The following HIVEP2 variants were observed in gnomAD, a reference collection of about 807,000 sequenced individuals.
HIVEP2 encodes transcription factor HIVEP2.
A neutral mutation model predicts 180.7 loss-of-function variants in HIVEP2; 14 were observed. That is an observed-to-expected ratio of 0.08 (90% CI 0.05 to 0.12). HIVEP2 has a LOEUF of 0.12. Ranked by LOEUF, HIVEP2 falls within the 10% of genes least tolerant of loss-of-function variation. The probability of loss-of-function intolerance (pLI) is 1.00; values close to 1 mark genes in which losing one functional copy is unlikely to be tolerated. For synonymous variants in HIVEP2, 1,184 were observed against 1,136.4 expected, an observed-to-expected ratio of 1.04 and a Z score of -0.84; for missense variants, 2,579 against 3,008.5, an observed-to-expected ratio of 0.86 and a Z score of 3.34.
chr6:142,800,874 T>C (rs1776387606), intron 2 of HIVEP2, among the ~76,000 whole-genome samples: 2 of 152,138 alleles, frequency 1.3e-5, no homozygotes, highest in African/African-American at 4.8e-5. Context: ...GACAATAGCT[T>C]TAGAAGATCA....
intron 1 of HIVEP2, among the ~76,000 whole-genome samples, chr6:142,904,964 G>C (rs1198929550): frequency 2.6e-5 from 4 of 152,124 alleles, no homozygotes; most frequent in Admixed American, 6.5e-5. Context: ...GTCCTAACAA[G>C]TATGACTCCT....
At chr6:142,895,329 T>C (rs937811731) in intron 1 of HIVEP2, among the ~76,000 whole-genome samples, 3 of 152,204 alleles carry the variant, frequency 2.0e-5, no homozygotes, top group South Asian at 2.1e-4. Flanking sequence ...AATTTTTGTC[T>C]CTTTTCTTGC....
intron 1 of HIVEP2, among the ~76,000 whole-genome samples, chr6:142,933,245 A>G (rs1303013699): frequency 2.0e-5 from 3 of 152,234 alleles, no homozygotes; most frequent in Non-Finnish European, 2.9e-5. Flanking sequence ...AAATACTTAC[A>G]TGTCAAATAC....
At chr6:142,882,898 G>T (rs1325499967) in intron 1 of HIVEP2, among the ~76,000 whole-genome samples, 1 of 152,038 alleles carries the variant, frequency 6.6e-6, no homozygotes, top group African/African-American at 2.4e-5. Flanking sequence ...TTAGTGAAAG[G>T]ACCACATATT....
intron 2 of HIVEP2, among the ~76,000 whole-genome samples, chr6:142,809,258 C>G (rs1255531932): frequency 2.6e-5 from 4 of 152,100 alleles, no homozygotes; most frequent in Admixed American, 6.5e-5. Flanking sequence ...AGGTCATCAC[C>G]TCTTACTCCT....
At chr6:142,932,586 A>G (rs2128438989) in intron 1 of HIVEP2, among the ~76,000 whole-genome samples, 1 of 152,348 alleles carries the variant, frequency 6.6e-6, no homozygotes, top group Middle Eastern at 3.4e-3. Flanking sequence ...AACTGGGAAT[A>G]TTTAGCCTGG....
intron 1 of HIVEP2, among the ~76,000 whole-genome samples, chr6:142,857,806 C>T (rs745719557): frequency 2.6e-5 from 4 of 152,298 alleles, no homozygotes; most frequent in African/African-American, 4.8e-5. Flanking sequence ...TCTTTCCACA[C>T]GGGGACTCCC....
rs138898528 is a variant in HIVEP2 at position 142,937,720 on chromosome 6, G to A, written c.-641+7379C>T. Among the ~76,000 whole-genome samples the A allele has an allele frequency of 5.5e-4, 83 of 152,228 alleles. 1 individual carries two copies. Among genetic ancestry groups the A allele is most frequent in the African/African-American group, 1.5e-3 (64 of 41,534 alleles). ...AATGGTAAAAAGACAAAGCATTTTC[G>A]GAGCCAAAGAACCCTGAGTTGGAAT... is the stretch of plus-strand genomic sequence containing the variant. On this transcript the variant is annotated intron_variant, in intron 1 of 9. Transcript: ENST00000367603.
At chr6:142,892,559 T>C (rs1201155963) in intron 1 of HIVEP2, among the ~76,000 whole-genome samples, 1 of 152,186 alleles carries the variant, frequency 6.6e-6, no homozygotes, top group Non-Finnish European at 1.5e-5. Context: ...AAATTAATGA[T>C]AAGACAGAAG....
At chr6:142,822,416 C>T (rs1171123913) in intron 2 of HIVEP2, among the ~76,000 whole-genome samples, 2 of 152,208 alleles carry the variant, frequency 1.3e-5, no homozygotes, top group South Asian at 2.1e-4. Context: ...CACCATAATT[C>T]GGAGTAGTCA....
At position 142,829,170 on chromosome 6, in the gene HIVEP2, A is replaced by G. The variant is rs772680061; in HGVS notation, c.-528+7765T>C. Among the ~76,000 whole-genome samples, 8 of 152,190 alleles carry G rather than the reference A, an allele frequency of 5.3e-5. No individual in the cohort carries two copies. In the South Asian group the frequency reaches 1.7e-3, roughly 32 times the overall value. ...GCTCAAAAGTGGGTAAAGTTTTTCT[A>G]ATGCCTACCAAACTGATGTGCTAAT... On this transcript the variant is annotated intron_variant, in intron 2 of 9. Coordinates refer to ENST00000367603, the MANE Select transcript of HIVEP2 (RefSeq NM_006734.4).
chr6:142,895,844 C>A (rs1232519251), intron 1 of HIVEP2, among the ~76,000 whole-genome samples: 4 of 152,168 alleles, frequency 2.6e-5, no homozygotes, highest in African/African-American at 7.2e-5. Flanking sequence ...CAACCTGTTT[C>A]ATTTGAGTTT....
chr6:142,789,153 T>C (rs983356889), intron 2 of HIVEP2, among the ~76,000 whole-genome samples: 4 of 152,122 alleles, frequency 2.6e-5, no homozygotes, highest in African/African-American at 9.7e-5. Context: ...AAATCATTTT[T>C]TGTTAAACAT....
At chr6:142,801,697 C>A (rs908759673) in intron 2 of HIVEP2, among the ~76,000 whole-genome samples, 1 of 152,020 alleles carries the variant, frequency 6.6e-6, no homozygotes, top group Non-Finnish European at 1.5e-5. Flanking sequence ...TGCTATCTTC[C>A]TGGGTTACTG....
chr6:142,818,711 G>GAAAGA (rs1776920582), intron 2 of HIVEP2, among the ~76,000 whole-genome samples: 2 of 37,970 alleles, frequency 5.3e-5, no homozygotes, highest in African/African-American at 8.7e-5. Context: ...AAGAAAGAAA[G>GAAAGA]AAAGAAAGAA....
chr6:142,898,543 T>G (rs1162150438), intron 1 of HIVEP2, among the ~76,000 whole-genome samples: 4 of 152,024 alleles, frequency 2.6e-5, no homozygotes, highest in African/African-American at 9.7e-5. Context: ...ACGCCTGTCA[T>G]CCCAGCTACT....
intron 1 of HIVEP2, among the ~76,000 whole-genome samples, chr6:142,908,474 T>G (rs1338809060): frequency 6.6e-6 from 1 of 152,204 alleles, no homozygotes; most frequent in African/African-American, 2.4e-5. Flanking sequence ...AATATTAGAT[T>G]GCATTCTCTC....
At chr6:142,761,351 A>C (rs910806054) in intron 8 of HIVEP2, 113 bp downstream of exon 8, 3 of 610,132 alleles carry the variant, frequency 4.9e-6, no homozygotes, top group African/African-American at 3.7e-5. Context: ...AGTATTTAAT[A>C]AAATGAAAAG....
At chr6:142,936,776 A>G (rs1262998621) in intron 1 of HIVEP2, among the ~76,000 whole-genome samples, 2 of 152,168 alleles carry the variant, frequency 1.3e-5, no homozygotes, top group Non-Finnish European at 2.9e-5. Context: ...ATTAGCCATA[A>G]AAAGTTTCTA....
Sources: allele counts gnomAD v4.1 joint callset (sites outside exome capture counted in the v4.1 genomes callset), GRCh38; gene constraint gnomAD v4.1.1; transcripts MANE v1.5; gene names NCBI Gene and HGNC (gene_info 2026-07-23, HGNC 2026-07-21).